OPCML: variants seen among roughly 807,000 people sequenced by gnomAD.
OPCML encodes opioid-binding protein/cell adhesion molecule.
OPCML carries 13 observed loss-of-function variants against 37.8 expected under a neutral mutation model. That is an observed-to-expected ratio of 0.34 (90% CI 0.22 to 0.55). The LOEUF is 0.55. Among genes scored for constraint, OPCML ranks in the 20% least tolerant of loss-of-function variants. The pLI is 0.91. For synonymous variants in OPCML, 176 were observed against 168.8 expected (o/e 1.04, Z -0.33); for missense variants, 341 against 435.6 (o/e 0.78, Z 1.93).
At chr11:132,554,104 G>A (rs894408593) in intron 3 of OPCML, among the ~76,000 whole-genome samples, 5 of 152,154 alleles carry the variant, frequency 3.3e-5, no homozygotes, top group African/African-American at 9.7e-5. Context: ...AGGAGAACAC[G>A]CTGGGACCTG....
chr11:132,696,978 C>T (rs1438321217), intron 2 of OPCML, among the ~76,000 whole-genome samples: 2 of 152,250 alleles, frequency 1.3e-5, no homozygotes, highest in East Asian at 3.9e-4. Flanking sequence ...ATCGTGAACA[C>T]TTCTAAACAA....
chr11:133,143,606 C>A (rs1228632885), intron 1 of OPCML, among the ~76,000 whole-genome samples: 1 of 152,154 alleles, frequency 6.6e-6, no homozygotes, highest in East Asian at 1.9e-4. Flanking sequence ...ATAACTAATG[C>A]ACTGTTCAAA....
chr11:133,368,202 A>G lies in OPCML; in HGVS notation c.61+164062T>C, dbSNP rs115651507. ...GAAAGGGAGGGGGAGAGGGAAAGGT[A>G]GAAGGAGGAAGAGGGGAGGAATATA... On this transcript the variant is annotated intron_variant, in intron 1 of 7. Transcript: ENST00000524381. Among the ~76,000 whole-genome samples the G allele has an allele frequency of 2.7e-3, 403 of 146,968 alleles. 2 individuals carry two copies. Among genetic ancestry groups the G allele is most frequent in the African/African-American group, 9.6e-3 (383 of 39,864 alleles).
chr11:133,267,978 A>G (rs1347163394), intron 1 of OPCML, among the ~76,000 whole-genome samples: 4 of 152,204 alleles, frequency 2.6e-5, no homozygotes, highest in African/African-American at 4.8e-5. Flanking sequence ...TATCAGCAGC[A>G]TGAGAACAGA....
rs143400416 is a variant in OPCML at position 132,651,494 on chromosome 11, C to T, written c.379+5593G>A. On this transcript the variant is annotated intron_variant, in intron 3 of 7. Transcript: ENST00000524381. ...TAAGTCTAGTGAAGGGGATTTAAAG[C>T]ACGCGGCAGCTGCATCAGCGTTGGG... 2.0e-3 allele frequency among the ~76,000 whole-genome samples: 309 copies of T among 152,290 alleles called. 3 individuals carry two copies. Among genetic ancestry groups the T allele is most frequent in the African/African-American group, 6.9e-3 (288 of 41,548 alleles).
intron 1 of OPCML, among the ~76,000 whole-genome samples, chr11:133,345,404 C>A (rs1943975237): frequency 1.3e-5 from 2 of 152,218 alleles, no homozygotes; most frequent in Admixed American, 1.3e-4. Context: ...GGAATAAACA[C>A]AATGTGTATA....
intron 3 of OPCML, among the ~76,000 whole-genome samples, chr11:132,598,392 T>C (rs1438955199): frequency 6.6e-6 from 1 of 152,182 alleles, no homozygotes; most frequent in Non-Finnish European, 1.5e-5. Flanking sequence ...TTTTTTTAAG[T>C]CGAGGCATGG....
intron 3 of OPCML, among the ~76,000 whole-genome samples, chr11:132,623,152 G>C (rs918926210): frequency 6.6e-6 from 1 of 152,140 alleles, no homozygotes. Flanking sequence ...TTGGGTTAAT[G>C]TTTGCTCCAC....
At chr11:133,374,246 A>G (rs1437811469) in intron 1 of OPCML, among the ~76,000 whole-genome samples, 1 of 152,238 alleles carries the variant, frequency 6.6e-6, no homozygotes, top group African/African-American at 2.4e-5. Context: ...TGCCTAGGCT[A>G]TGAGTCCATG....
intron 1 of OPCML, among the ~76,000 whole-genome samples, chr11:133,410,634 TAAAAAAAAAA>T (rs71038527): frequency 0.023 from 1,065 of 46,616 alleles, no homozygotes; most frequent in African/African-American, 0.056. Context: ...AGAAAAAAAG[TAAAAAAAAAA>T]AAAAAAAAAA....
At chr11:133,318,781 A>C (rs1303181923) in intron 1 of OPCML, among the ~76,000 whole-genome samples, 1 of 152,182 alleles carries the variant, frequency 6.6e-6, no homozygotes, top group Non-Finnish European at 1.5e-5. Flanking sequence ...TCACGCCTGT[A>C]ATCTCAGCAC....
At chr11:133,004,645 C>T (rs1201941417) in intron 1 of OPCML, 15 of 985,456 alleles carry the variant, frequency 1.5e-5, no homozygotes, top group Non-Finnish European at 1.6e-5. Flanking sequence ...AACAGCTGCT[C>T]GGGAGGCCAG....
At chr11:132,493,838 A>G (rs759336616) in intron 4 of OPCML, among the ~76,000 whole-genome samples, 2 of 152,260 alleles carry the variant, frequency 1.3e-5, no homozygotes, top group Non-Finnish European at 2.9e-5. Flanking sequence ...AATGCAAGGC[A>G]TAGGAGCTTG....
At chr11:133,342,429 C>T (rs1943893273) in intron 1 of OPCML, among the ~76,000 whole-genome samples, 1 of 152,188 alleles carries the variant, frequency 6.6e-6, no homozygotes, top group Non-Finnish European at 1.5e-5. Context: ...CGATCTGCTC[C>T]TACCTGTACA....
chr11:133,096,275 T>C (rs1018914939), intron 1 of OPCML, among the ~76,000 whole-genome samples: 1 of 151,988 alleles, frequency 6.6e-6, no homozygotes, highest in Non-Finnish European at 1.5e-5. Context: ...TACCCATGAA[T>C]AGGTATATTA....
intron 1 of OPCML, among the ~76,000 whole-genome samples, chr11:133,217,148 G>A (rs1939618050): frequency 6.6e-6 from 1 of 152,072 alleles, no homozygotes; most frequent in South Asian, 2.1e-4. Flanking sequence ...CTCACCTCCA[G>A]GTGAGCAGCC....
chr11:132,655,709 T>A (rs1468013542), intron 3 of OPCML, among the ~76,000 whole-genome samples: 3 of 152,094 alleles, frequency 2.0e-5, no homozygotes, highest in Non-Finnish European at 4.4e-5. Flanking sequence ...GCCCCACACA[T>A]GCCATTACAA....
At chr11:132,740,100 A>T (rs1438821471) in intron 2 of OPCML, among the ~76,000 whole-genome samples, 1 of 152,238 alleles carries the variant, frequency 6.6e-6, no homozygotes, top group East Asian at 1.9e-4. Flanking sequence ...CAGAGGGTAC[A>T]GAAAGAAAAG....
intron 1 of OPCML, among the ~76,000 whole-genome samples, chr11:133,258,773 C>A (rs1335222024): frequency 1.3e-5 from 2 of 152,074 alleles, no homozygotes; most frequent in Non-Finnish European, 2.9e-5. Flanking sequence ...CCCCAGCTAC[C>A]CCCAGCACTG....
Sources: allele counts gnomAD v4.1 joint callset (sites outside exome capture counted in the v4.1 genomes callset), GRCh38; gene constraint gnomAD v4.1.1; transcripts MANE v1.5; gene names NCBI Gene and HGNC (gene_info 2026-07-23, HGNC 2026-07-21).